PCDHGB5: variants seen among roughly 807,000 people sequenced by gnomAD.
The protein encoded by PCDHGB5 is protocadherin gamma-B5.
PCDHGB5 carries 48 observed loss-of-function variants against 62.9 expected under a neutral mutation model. That is an observed-to-expected ratio of 0.76 (90% confidence interval 0.61 to 0.97). The LOEUF (loss-of-function observed/expected upper bound fraction) is 0.97. Ranked by LOEUF, PCDHGB5 falls within the 50% of genes least tolerant of loss-of-function variation. The probability of loss-of-function intolerance (pLI) is 0.00; values close to 1 mark genes in which losing one functional copy is unlikely to be tolerated. For synonymous variants in PCDHGB5, 474 were observed against 511.2 expected, an observed-to-expected ratio of 0.93 and a Z score of 0.98; for missense variants, 1,118 against 1,198.6, an observed-to-expected ratio of 0.93 and a Z score of 0.99.
At chr5:141,435,902 A>G (rs896786345) in intron 1 of PCDHGB5, among the ~76,000 whole-genome samples, 1 of 152,194 alleles carries the variant, frequency 6.6e-6, no homozygotes, top group Non-Finnish European at 1.5e-5. Flanking sequence ...AATGAAAGAC[A>G]TCCAAGGGCT....
At position 141,432,727 on chromosome 5, in the gene PCDHGB5, C is replaced by T; in HGVS notation, c.2397+32203C>T. 6.2e-7 allele frequency: 1 copy of T among 1,614,090 alleles called. No individual in the cohort carries two copies. Among genetic ancestry groups the T allele is most frequent in the Non-Finnish European group, 8.5e-7 (1 of 1,179,996 alleles). ...ACCACGGCCAGCCCCCTCTCTCCGC[C>T]ACTGTCACGCTCACCGTGGCCGTGG... On this transcript the variant is annotated intron_variant, in intron 1 of 3. Transcript: ENST00000617380. The surrounding 1 kb of genome is among the most constrained non-coding windows in gnomAD (Gnocchi z 6.0).
Position 141,489,089 on chromosome 5 carries a change from A to T in PCDHGB5, c.2398-5718A>T, listed in dbSNP as rs1214993065. The T allele has an allele frequency of 7.4e-5, 21 of 284,398 alleles. No homozygotes were observed. Among genetic ancestry groups the T allele is most frequent in the East Asian group, 1.1e-4 (2 of 17,560 alleles). The allele number at this position is 284,398 out of a possible 1,614,324, so 17.6% of individuals were successfully genotyped here. On this transcript the variant is annotated intron_variant, in intron 1 of 3. Coordinates refer to ENST00000617380, the MANE Select transcript of PCDHGB5 (RefSeq NM_018925.3). This position sits in a 1 kb window ranked among gnomAD's most constrained non-coding sequence, Gnocchi z 4.5. ...CCCTGCCCACCCCCGCCACTCGGTGACTAAGAACTGCTGCAAGCAGGCAAA... is the reference window on the plus strand; with the variant it reads ...CCCTGCCCACCCCCGCCACTCGGTGTCTAAGAACTGCTGCAAGCAGGCAAA...
At chr5:141,453,700 G>A (rs953445370) in intron 1 of PCDHGB5, among the ~76,000 whole-genome samples, 1 of 152,166 alleles carries the variant, frequency 6.6e-6, no homozygotes, top group Non-Finnish European at 1.5e-5. Flanking sequence ...TCCTGGCTTT[G>A]AACAGTTTCA....
intron 1 of PCDHGB5, among the ~76,000 whole-genome samples, chr5:141,433,940 T>C (rs1315031506): frequency 6.6e-6 from 1 of 152,192 alleles, no homozygotes; most frequent in African/African-American, 2.4e-5. Flanking sequence ...TATAATTCCA[T>C]TGTTTCTTCT....
chr5:141,441,739 C>T, intron 1 of PCDHGB5: 1 of 365,272 alleles, frequency 2.7e-6, no homozygotes, highest in South Asian at 2.2e-5. Context: ...GACTAGCTCG[C>T]GCTCGGCGTC....
At chr5:141,453,319 G>T (rs2098762311) in intron 1 of PCDHGB5, among the ~76,000 whole-genome samples, 1 of 151,492 alleles carries the variant, frequency 6.6e-6, no homozygotes, top group Admixed American at 6.6e-5. Flanking sequence ...TTATTTTAGA[G>T]ATGGGGTCTC....
At chr5:141,452,460 G>A (rs750887712) in intron 1 of PCDHGB5, among the ~76,000 whole-genome samples, 1 of 152,140 alleles carries the variant, frequency 6.6e-6, no homozygotes, top group Non-Finnish European at 1.5e-5. Flanking sequence ...GTCAGCAGAC[G>A]GAGCTAGGAA....
intron 1 of PCDHGB5, chr5:141,422,068 T>C (rs1340696188): frequency 2.5e-6 from 4 of 1,612,076 alleles, no homozygotes; most frequent in Non-Finnish European, 3.4e-6. Flanking sequence ...AGTAATGTAT[T>C]CATTTCGGAA....
intron 1 of PCDHGB5, chr5:141,471,227 T>C (rs2099253010): frequency 6.6e-6 from 1 of 151,604 alleles, no homozygotes; most frequent in Admixed American, 6.6e-5. Flanking sequence ...TTTTTTGTAT[T>C]TTTAGTAGAG....
intron 1 of PCDHGB5, chr5:141,415,759 T>TTTG: frequency 3.7e-6 from 5 of 1,352,140 alleles, no homozygotes; most frequent in Non-Finnish European, 4.8e-6. Flanking sequence ...TTTTTTTTTT[T>TTTG]TTTTTTTTTT....
rs750397953 is a variant in PCDHGB5 at position 141,409,543 on chromosome 5, C to CA, written c.2397+9021dup. 2.4e-5 allele frequency: 38 copies of CA among 1,613,884 alleles called. No individual in the cohort carries two copies. The South Asian group carries it at 4.1e-4, about 17-fold the overall frequency. On this transcript the variant is annotated intron_variant, in intron 1 of 3. Transcript: ENST00000617380. ...CCTTGTATGTCGCTGACATCAACGACAACGCCCCAGTTTTCGACCAGACGT... is the reference window on the plus strand; with the variant it reads ...CCTTGTATGTCGCTGACATCAACGACAAACGCCCCAGTTTTCGACCAGACGT...
chr5:141,405,609 G>A, intron 1 of PCDHGB5: 1 of 562,334 alleles, frequency 1.8e-6, no homozygotes. Context: ...AGAATAACTG[G>A]GACTACAGGC....
chr5:141,412,634 A>G (rs1322492563), intron 1 of PCDHGB5: 1 of 152,256 alleles, frequency 6.6e-6, no homozygotes, highest in African/African-American at 2.4e-5. Flanking sequence ...TTAAATTATA[A>G]GACTTTTCTG....
At chr5:141,406,011 G>A (rs1380278745) in intron 1 of PCDHGB5, among the ~76,000 whole-genome samples, 7 of 151,702 alleles carry the variant, frequency 4.6e-5, no homozygotes, top group African/African-American at 1.7e-4. Context: ...CATTGATGTG[G>A]GCTTTTTGGG....
intron 1 of PCDHGB5, chr5:141,422,216 C>T (rs1241784107): frequency 6.4e-7 from 1 of 1,563,862 alleles, no homozygotes; most frequent in African/African-American, 1.4e-5. Flanking sequence ...GGTCTCTTTA[C>T]CACCACGACG....
At chr5:141,510,917 C>G in intron 3 of PCDHGB5, 30 bp from the exon 4 acceptor site, 1 of 1,613,854 alleles carries the variant, frequency 6.2e-7, no homozygotes, top group Non-Finnish European at 8.5e-7. Flanking sequence ...CTAAGTTTAG[C>G]TCCCACCTGA....
At chr5:141,416,014 A>G (rs1258459397) in intron 1 of PCDHGB5, 1 of 228,504 alleles carries the variant, frequency 4.4e-6, no homozygotes, top group African/African-American at 2.3e-5. Flanking sequence ...AAGAATAGGT[A>G]AGTATCAGAA....
intron 2 of PCDHGB5, among the ~76,000 whole-genome samples, chr5:141,496,888 TAA>T (rs35063790): frequency 6.7e-5 from 9 of 134,018 alleles, no homozygotes; most frequent in Non-Finnish European, 4.9e-5. Flanking sequence ...AAGTAACACT[TAA>T]AAAAAAAAAA....
Position 141,487,247 on chromosome 5 carries a change from T to C in PCDHGB5, c.2398-7560T>C. Reference sequence around the variant, plus strand: ...GGAAGGAGAATCTCGTCTAACCCTCTACTTGGCTGTGTCCCTAGTGGCAAT... The same window carrying C: ...GGAAGGAGAATCTCGTCTAACCCTCCACTTGGCTGTGTCCCTAGTGGCAAT... On this transcript the variant is annotated intron_variant, in intron 1 of 3. Transcript: ENST00000617380. This position sits in a 1 kb window ranked among gnomAD's most constrained non-coding sequence, Gnocchi z 5.0. 1 of 1,614,174 alleles carries C rather than the reference T, an allele frequency of 6.2e-7. No individual in the cohort carries two copies. The highest frequency in any genetic ancestry group is 1.3e-5 in the African/African-American group (1 of 75,048).
Sources: gnomAD v4.1 joint callset for allele counts (sites outside exome capture counted in the v4.1 genomes callset) on GRCh38, gnomAD v4.1.1 for gene constraint, Gnocchi (gnomAD v3.1) non-coding constraint, MANE v1.5 for transcripts, NCBI Gene and HGNC (gene_info 2026-07-23, HGNC 2026-07-21) for gene names.